Variants in SYNE2 observed in about 807,000 individuals in gnomAD.
SYNE2 encodes the protein nesprin-2.
A neutral mutation model predicts 856.3 loss-of-function variants in SYNE2; 431 were observed. The observed-to-expected ratio is 0.50, with a 90% CI of 0.47 to 0.55. SYNE2 has a LOEUF of 0.55. Ranked by LOEUF, SYNE2 falls within the 20% of genes least tolerant of loss-of-function variation. The pLI, the probability that SYNE2 is intolerant of heterozygous loss-of-function variation, is 0.00. For missense variants in SYNE2, 8,129 were observed against 8,023.2 expected (o/e 1.01, Z -0.50); for synonymous variants, 2,923 against 2,872.3 (o/e 1.02, Z -0.56).
At chr14:64,188,048 G>A (rs983374940) in intron 97 of SYNE2, among the ~76,000 whole-genome samples, 32 of 152,202 alleles carry the variant, frequency 2.1e-4, no homozygotes, top group African/African-American at 7.7e-4. Context: ...ATTGTTTTTG[G>A]TTTTGCTTTG....
intron 45 of SYNE2, among the ~76,000 whole-genome samples, chr14:64,042,651 C>G (rs2097157522): frequency 1.3e-5 from 2 of 152,200 alleles, no homozygotes; most frequent in Non-Finnish European, 2.9e-5. Context: ...CACAGCCTCT[C>G]TCTTTTTGCC....
rs776771587 is a variant in SYNE2, at chr14:64,093,402, G to T, written c.12030G>T (p.Gln4010His). 2 of 1,614,118 alleles carry T rather than the reference G, an allele frequency of 1.2e-6. No individual in the cohort carries two copies. Among genetic ancestry groups the T allele is most frequent in the Middle Eastern group, 1.6e-4 (1 of 6,062 alleles). ...ATGAAGAAATAGAAAATTTGAAACA[G>T]ATCTTAAATAATTATTCAGCTCAGT... ...EWDEEIENLK[Q>H]ILNNYSAQFS... is the part of the protein sequence containing the mutation. Residue 4010 changes from glutamine to histidine, a missense_variant, in exon 61 of 116, where the codon CAG becomes CAT. This residue lies in a region of SYNE2 where 5,410 missense variants were observed against 5,284.8 expected (regional missense o/e 1.02). Transcript: ENST00000555002.
Position 64,098,548 on chromosome 14 carries a change from A to G in SYNE2, c.12307-199A>G. 3 of 631,390 alleles carry G rather than the reference A, an allele frequency of 4.8e-6. No individual in the cohort carries two copies. In the East Asian group the frequency reaches 8.3e-5, roughly 17 times the overall value. The allele number at this position is 631,390 out of a possible 1,614,324, so 39.1% of individuals were successfully genotyped here. On this transcript the variant is annotated intron_variant, in intron 62 of 115. Coordinates refer to ENST00000555002, the MANE Select transcript of SYNE2 (RefSeq NM_182914.3). ...TGAAGGGGCACAGGGGGCCATGAAA[A>G]TAACAAGACCTAAGGTTTGACTGAC...
At chr14:64,049,094 T>A (rs1483282433) in intron 46 of SYNE2, 1 of 152,258 alleles carries the variant, frequency 6.6e-6, no homozygotes, top group East Asian at 1.9e-4. Context: ...TGACATTAAA[T>A]GCTGGACCAA....
chr14:64,132,146 C>A, intron 76 of SYNE2, 119 bp from the exon 77 acceptor site: 5 of 1,212,720 alleles, frequency 4.1e-6, no homozygotes, highest in Non-Finnish European at 5.9e-6. Flanking sequence ...TGACTCTACA[C>A]GGATGTCCTG....
chr14:64,150,228 G>A (rs991161185), intron 84 of SYNE2, among the ~76,000 whole-genome samples: 5 of 138,988 alleles, frequency 3.6e-5, no homozygotes, highest in Admixed American at 3.1e-4. Context: ...TCCCGGAGGC[G>A]GAGTTTTCAG....
intron 1 of SYNE2, among the ~76,000 whole-genome samples, chr14:63,859,969 C>T (rs1893081153): frequency 7.0e-6 from 1 of 143,462 alleles, no homozygotes; most frequent in Non-Finnish European, 1.5e-5. Flanking sequence ...CCCTCCCTCC[C>T]TCCCTTCCTC....
At chr14:63,987,556 T>C (rs2096635929) in intron 19 of SYNE2, among the ~76,000 whole-genome samples, 1 of 152,226 alleles carries the variant, frequency 6.6e-6, no homozygotes, top group Non-Finnish European at 1.5e-5. Context: ...AACATTTATA[T>C]AATTTTTTAA....
At chr14:64,188,276 CAGAT>C (rs934138134) in intron 97 of SYNE2, among the ~76,000 whole-genome samples, 2 of 152,098 alleles carry the variant, frequency 1.3e-5, no homozygotes, top group African/African-American at 4.8e-5. Context: ...TTACTATAAC[CAGAT>C]AGTAACACAC....
chr14:63,948,770 G>A (rs201080871), intron 6 of SYNE2, among the ~76,000 whole-genome samples: 36 of 79,696 alleles, frequency 4.5e-4, no homozygotes, highest in Admixed American at 6.0e-4. Flanking sequence ...GTATATATAT[G>A]TATGTGTGTG....
At chr14:63,915,786 G>A (rs747777320) in intron 2 of SYNE2, among the ~76,000 whole-genome samples, 10 of 152,112 alleles carry the variant, frequency 6.6e-5, no homozygotes, top group African/African-American at 9.7e-5. Context: ...GTAGTGAAAC[G>A]TGAGTCTCTG....
At chr14:63,782,605 A>G (rs763999814) in intron 1 of SYNE2, among the ~76,000 whole-genome samples, 4 of 152,042 alleles carry the variant, frequency 2.6e-5, no homozygotes, top group Non-Finnish European at 5.9e-5. Flanking sequence ...AGTATTACCC[A>G]TTGAATAAAA....
intron 32 of SYNE2, among the ~76,000 whole-genome samples, chr14:64,012,668 T>C (rs933726379): frequency 6.6e-6 from 1 of 152,238 alleles, no homozygotes; most frequent in Non-Finnish European, 1.5e-5. Context: ...ATTGTACCTC[T>C]AGTATATGGG....
chr14:64,121,930 G>C, intron 68 of SYNE2, 82 bp from the exon 69 acceptor site: 3 of 1,570,744 alleles, frequency 1.9e-6, no homozygotes, highest in Non-Finnish European at 2.6e-6. Context: ...CTCAAAATTA[G>C]ATTTATCTCA....
chr14:63,963,979 T>G lies in SYNE2; in HGVS notation c.969T>G (p.Asp323Glu), dbSNP rs1429782874. 6.2e-7 allele frequency: 1 copy of G among 1,602,232 alleles called. No individual in the cohort carries two copies. Among genetic ancestry groups the G allele is most frequent in the Non-Finnish European group, 8.5e-7 (1 of 1,169,814 alleles). Residue 323 changes from aspartate to glutamate, a missense_variant, in exon 10 of 116, where the codon GAT (aspartate) becomes GAG (glutamate). Coordinates refer to ENST00000555002, the MANE Select transcript of SYNE2 (RefSeq NM_182914.3). The part of the protein sequence containing the change: ...LQKLLKDSEN[D>E]TYFKKYNSLL... ...AGTTGCTAAAGGATTCAGAGAATGA[T>G]ACCTACTTTAAAAAGTATAATGTAA...
Position 63,993,979 on chromosome 14 carries a change from T to C in SYNE2, c.2781+10T>C, listed in dbSNP as rs1469188635. The C allele has an allele frequency of 3.7e-6, 6 of 1,613,534 alleles. No individual in the cohort carries two copies. Among genetic ancestry groups the C allele is most frequent in the Middle Eastern group, 1.7e-4 (1 of 6,056 alleles). On this transcript the variant is annotated intron_variant, in intron 22 of 115. Transcript: ENST00000555002. Reference sequence around the variant, plus strand: ...CTGTGCCAAATGGGAGGTAAGAACATGCATATGTTTCTGAACTTACGTTTT... The same window carrying C: ...CTGTGCCAAATGGGAGGTAAGAACACGCATATGTTTCTGAACTTACGTTTT...
Position 63,871,599 on chromosome 14 carries a change from A to T in SYNE2, c.-52+18456A>T, listed in dbSNP as rs555699109. 8.3e-5 allele frequency among the ~76,000 whole-genome samples: 9 copies of T among 108,050 alleles called. No individual in the cohort carries two copies. The East Asian group carries it at 2.1e-3, about 25-fold the overall frequency. The allele number at this position is 108,050 out of a possible 152,430, so 70.9% of individuals were successfully genotyped here. On this transcript the variant is annotated intron_variant, in intron 1 of 115. Coordinates refer to ENST00000555002, the MANE Select transcript of SYNE2 (RefSeq NM_182914.3). ...ATTATCTAAAGTGGTTTTAAAAGAG[A>T]TGTCATTTTTTTTTTTTTTAATCTT...
chr14:64,085,144 C>A, intron 57 of SYNE2: 3 of 612,926 alleles, frequency 4.9e-6, no homozygotes, highest in Non-Finnish European at 8.8e-6. Flanking sequence ...ACAATGTCGG[C>A]TCACTGCAGC....
intron 1 of SYNE2, among the ~76,000 whole-genome samples, chr14:63,771,017 A>C (rs561107389): frequency 2.3e-4 from 34 of 151,088 alleles, no homozygotes; most frequent in African/African-American, 8.1e-4. Context: ...AAAATCAGTC[A>C]ATTTTTGATG....
Sources: gnomAD v4.1 joint callset for allele counts (sites outside exome capture counted in the v4.1 genomes callset) on GRCh38, gnomAD v4.1.1 for gene constraint, gnomAD v4.1.1 regional missense constraint, MANE v1.5 for transcripts, NCBI Gene and HGNC (gene_info 2026-07-23, HGNC 2026-07-21) for gene names.